The following RFX1 variants were observed in gnomAD, a reference collection of about 807,000 sequenced individuals.
RFX1 encodes regulatory factor X1.
In RFX1, 42 loss-of-function variants were observed where a neutral mutation model predicts 119.6. The observed-to-expected ratio is 0.35, with a 90% CI of 0.27 to 0.45. The LOEUF (loss-of-function observed/expected upper bound fraction) is 0.45. Ranked by LOEUF, RFX1 falls within the 20% of genes least tolerant of loss-of-function variation. RFX1 has a pLI of 1.00. For missense variants in RFX1, 1,118 were observed against 1,368.1 expected (o/e 0.82, Z 2.88); for synonymous variants, 628 against 618.5 (o/e 1.02, Z -0.23).
chr19:13,965,502 T>A lies in RFX1; in HGVS notation c.2158A>T (p.Ser720Cys). Residue 720 changes from serine to cysteine, a missense_variant, in exon 16 of 21, where the codon AGC becomes TGC. Ser to Cys is a moderately radical substitution (Grantham distance 112). Coordinates refer to ENST00000254325, the MANE Select transcript of RFX1 (RefSeq NM_002918.5). This position sits in a 1 kb window ranked among gnomAD's most constrained non-coding sequence, Gnocchi z 4.7. ...AIRNFAKSLE[S>C]WLTHAMVNIP... is the part of the protein sequence containing the mutation. The stretch of plus-strand genomic sequence containing the variant: ...TTGACCATGGCGTGGGTGAGCCAGC[T>A]CTCCAGGCTCTTGGCAAAGTTCCGG... The A allele has an allele frequency of 6.2e-7, 1 of 1,613,648 alleles. No homozygotes were observed. Among genetic ancestry groups the A allele is most frequent in the Non-Finnish European group, 8.5e-7 (1 of 1,179,920 alleles).
At chr19:13,988,639 A>T (rs1974693114) in intron 2 of RFX1, among the ~76,000 whole-genome samples, 1 of 152,182 alleles carries the variant, frequency 6.6e-6, no homozygotes, top group African/African-American at 2.4e-5. Flanking sequence ...CTCCTCAGTC[A>T]TTCCACAGAG....
intron 9 of RFX1, 22 bp downstream of exon 9, chr19:13,972,721 G>C: frequency 6.4e-7 from 1 of 1,563,752 alleles, no homozygotes; most frequent in East Asian, 2.3e-5. Context: ...GCCTCCTCTG[G>C]GGCCCGCGTT....
At chr19:13,989,521 C>G (rs753178378) in intron 2 of RFX1, among the ~76,000 whole-genome samples, 14 of 151,644 alleles carry the variant, frequency 9.2e-5, no homozygotes, top group Non-Finnish European at 1.6e-4. Flanking sequence ...CGGCGCCCAC[C>G]ACCACACCCA....
At chr19:13,989,557 GAC>G (rs1366885219) in intron 2 of RFX1, among the ~76,000 whole-genome samples, 14 of 151,798 alleles carry the variant, frequency 9.2e-5, no homozygotes, top group Non-Finnish European at 1.8e-4. Context: ...GAGAGAGACA[GAC>G]AGACAGACAG....
Position 13,966,826 on chromosome 19 carries a change from G to A in RFX1, c.1733-75C>T, listed in dbSNP as rs1275009506. The A allele has an allele frequency of 1.5e-5, 15 of 1,000,946 alleles. No individual in the cohort carries two copies. Among genetic ancestry groups the A allele is most frequent in the East Asian group, 2.5e-5 (1 of 39,746 alleles). 62.0% of individuals were successfully genotyped at this position (1,000,946 alleles called of 1,614,324 possible). ...ACCCTGGGGTCCTACTGACCTGTCC[G>A]TTTCCCATCAGACTGGGGTCCCCCA... On this transcript the variant is annotated intron_variant, in intron 12 of 20. Coordinates refer to ENST00000254325, the MANE Select transcript of RFX1 (RefSeq NM_002918.5). The surrounding 1 kb of genome is among the most constrained non-coding windows in gnomAD (Gnocchi z 6.3).
At chr19:13,992,929 T>G (rs1974852160) in intron 2 of RFX1, among the ~76,000 whole-genome samples, 2 of 152,092 alleles carry the variant, frequency 1.3e-5, no homozygotes, top group African/African-American at 2.4e-5. Flanking sequence ...TCCAGGAGTT[T>G]GAGACCAGCC....
rs1974606912 is a variant in RFX1 at position 13,986,657 on chromosome 19, C to A, written c.320-3062G>T. Among the ~76,000 whole-genome samples, 1 of 152,134 alleles carries A rather than the reference C, an allele frequency of 6.6e-6. No individual in the cohort carries two copies. Among genetic ancestry groups the A allele is most frequent in the African/African-American group, 2.4e-5 (1 of 41,418 alleles). On this transcript the variant is annotated intron_variant, in intron 2 of 20. Coordinates refer to ENST00000254325, the MANE Select transcript of RFX1 (RefSeq NM_002918.5). This position sits in a 1 kb window ranked among gnomAD's most constrained non-coding sequence, Gnocchi z 4.2. The stretch of plus-strand genomic sequence containing the variant: ...GGCATGCGCAGGAGGCCAGGGAGGC[C>A]CCCACTGTCTCAGGAAACGGCGGCC...
Position 13,966,282 on chromosome 19 carries a change from A to G in RFX1, c.1961+139T>C. On this transcript the variant is annotated intron_variant, in intron 14 of 20. Coordinates refer to ENST00000254325, the MANE Select transcript of RFX1 (RefSeq NM_002918.5). The surrounding 1 kb of genome is among the most constrained non-coding windows in gnomAD (Gnocchi z 6.3). Reference sequence around the variant, plus strand: ...ACTGTTGAGTGTCGGGTGGCTATACACACTCCACACAGCCAAGGATATGTG... The same window carrying G: ...ACTGTTGAGTGTCGGGTGGCTATACGCACTCCACACAGCCAAGGATATGTG... The G allele has an allele frequency of 1.6e-6, 1 of 608,198 alleles. No individual in the cohort carries two copies. Among genetic ancestry groups the G allele is most frequent in the Non-Finnish European group, 2.9e-6 (1 of 341,066 alleles). The allele number at this position is 608,198 out of a possible 1,614,324, so 37.7% of individuals were successfully genotyped here.
At chr19:13,972,632 C>T (rs1183398994) in intron 9 of RFX1, 111 bp downstream of exon 9, 3 of 757,110 alleles carry the variant, frequency 4.0e-6, no homozygotes, top group East Asian at 5.4e-5. Context: ...TCATTGGGGG[C>T]CACACAGGCT....
At chr19:13,982,029 G>A in intron 5 of RFX1, 92 bp downstream of exon 5, 3 of 500,786 alleles carry the variant, frequency 6.0e-6, no homozygotes, top group Non-Finnish European at 9.8e-6. Context: ...GGCTTGGGGG[G>A]CGGGGCAGGG....
chr19:14,004,108 C>T (rs1208627900), intron 1 of RFX1, among the ~76,000 whole-genome samples: 2 of 152,156 alleles, frequency 1.3e-5, no homozygotes, highest in Non-Finnish European at 1.5e-5. Flanking sequence ...CCATGTTGGC[C>T]GGGCTAGTCT....
rs1452105590 is a variant in RFX1, at chr19:13,980,680, C to A, written c.631G>T (p.Val211Leu). The change falls in exon 6 of 21, where the codon GTG becomes TTG. Residue 211 changes from valine (V) to leucine (L), a missense_variant. Transcript: ENST00000254325. This position sits in a 1 kb window ranked among gnomAD's most constrained non-coding sequence, Gnocchi z 5.1. ...TTGCTGGAAGAGCTGTTGGCCTGCA[C>A]CGGCGACTGCTGTAAGGGAAGGAGA... is the stretch of plus-strand genomic sequence containing the variant. Reference protein sequence around the residue: ...QVHSPPEQSPVQANSSSSKTA... With the variant: ...QVHSPPEQSPLQANSSSSKTA... 1.9e-6 allele frequency: 3 copies of A among 1,578,926 alleles called. No homozygotes were observed. The highest frequency in any genetic ancestry group is 2.3e-5 in the South Asian group (2 of 88,352).
In RFX1 at chr19:13,966,830, C is replaced by T; in HGVS notation, c.1733-79G>A. 1.0e-6 allele frequency: 1 copy of T among 961,976 alleles called. No individual in the cohort carries two copies. Among genetic ancestry groups the T allele is most frequent in the Non-Finnish European group, 1.6e-6 (1 of 642,334 alleles). 59.6% of individuals were successfully genotyped at this position (961,976 alleles called of 1,614,324 possible). A position where few individuals can be genotyped will look rare whatever the true frequency, so the allele number is the denominator to read the frequency against. On this transcript the variant is annotated intron_variant, in intron 12 of 20. Coordinates refer to ENST00000254325, the MANE Select transcript of RFX1 (RefSeq NM_002918.5). The surrounding 1 kb of genome is among the most constrained non-coding windows in gnomAD (Gnocchi z 6.3). ...TGGGGTCCTACTGACCTGTCCGTTT[C>T]CCATCAGACTGGGGTCCCCCATGTG...
At position 13,969,702 on chromosome 19, in the gene RFX1, A is replaced by C; in HGVS notation, c.1496+292T>G. On this transcript the variant is annotated intron_variant, in intron 10 of 20. Coordinates refer to ENST00000254325, the MANE Select transcript of RFX1 (RefSeq NM_002918.5). This position sits in a 1 kb window ranked among gnomAD's most constrained non-coding sequence, Gnocchi z 4.5. ...CACGTGTGAGCGTGCTGAATGCTAA[A>C]GAGAAAAATAAAGCAGGGTTGGGGG... 2.8e-6 allele frequency: 1 copy of C among 360,830 alleles called. No homozygotes were observed. Among genetic ancestry groups the C allele is most frequent in the Non-Finnish European group, 5.0e-6 (1 of 199,276 alleles). The allele number at this position is 360,830 out of a possible 1,614,324, so 22.4% of individuals were successfully genotyped here. A position where few individuals can be genotyped will look rare whatever the true frequency, so the allele number is the denominator to read the frequency against.
chr19:13,996,955 C>T (rs1178607742), intron 1 of RFX1, among the ~76,000 whole-genome samples: 1 of 152,128 alleles, frequency 6.6e-6, no homozygotes, highest in Non-Finnish European at 1.5e-5. Flanking sequence ...AACTCCTGAC[C>T]TCAAGTAATC....
chr19:13,970,661 C>CAA (rs1167910642), intron 9 of RFX1, among the ~76,000 whole-genome samples: 1,363 of 25,820 alleles, frequency 0.053, 470 homozygotes, highest in East Asian at 0.14. Context: ...GACCTTGTCT[C>CAA]AAAAAAAAAA....
rs1412973023 is a variant in RFX1, at chr19:13,985,308, C to T, written c.320-1713G>A. On this transcript the variant is annotated intron_variant, in intron 2 of 20. Transcript: ENST00000254325. This position sits in a 1 kb window ranked among gnomAD's most constrained non-coding sequence, Gnocchi z 4.3. ...TCTCCTGCCTCAACCCACTGAGTAG[C>T]TAGGACTGCAGGCACCCGCCACCAC... 6.6e-6 allele frequency among the ~76,000 whole-genome samples: 1 copy of T among 152,078 alleles called. No homozygotes were observed. Among genetic ancestry groups the T allele is most frequent in the Non-Finnish European group, 1.5e-5 (1 of 68,010 alleles).
At chr19:13,982,658 G>C (rs1414572342) in intron 4 of RFX1, among the ~76,000 whole-genome samples, 1 of 152,154 alleles carries the variant, frequency 6.6e-6, no homozygotes, top group Non-Finnish European at 1.5e-5. Flanking sequence ...ACAAAAATTA[G>C]CCAGGTGTGG....
Position 14,006,287 on chromosome 19 carries a change from C to G in RFX1, c.-237G>C, listed in dbSNP as rs1975376992. ...TGCTTGGTCGCCACGACTACCGTGG[C>G]TATGGCGCCTCCGTTTCCCTCACCG... On this transcript the variant is annotated 5_prime_UTR_variant, in exon 1 of 21. Transcript: ENST00000254325. 6.6e-6 allele frequency: 1 copy of G among 152,104 alleles called. No individual in the cohort carries two copies. Among genetic ancestry groups the G allele is most frequent in the Non-Finnish European group, 1.5e-5 (1 of 68,030 alleles). 9.4% of individuals were successfully genotyped at this position (152,104 alleles called of 1,614,324 possible). A position where few individuals can be genotyped will look rare whatever the true frequency, so the allele number is the denominator to read the frequency against.
Sources: allele counts gnomAD v4.1 joint callset (sites outside exome capture counted in the v4.1 genomes callset), GRCh38; gene constraint gnomAD v4.1.1; non-coding constraint Gnocchi (gnomAD v3.1); transcripts MANE v1.5; gene names NCBI Gene and HGNC (gene_info 2026-07-23, HGNC 2026-07-21).